The following TNXB variants were observed in gnomAD, a reference collection of about 807,000 sequenced individuals.
TNXB encodes the protein tenascin-X.
TNXB carries 183 observed loss-of-function variants against 340.5 expected under a neutral mutation model. The observed-to-expected ratio is 0.54, with a 90% CI of 0.48 to 0.61. The LOEUF (loss-of-function observed/expected upper bound fraction) is 0.61, where lower values mean the gene tolerates loss of function less well. TNXB is among the 20% of genes least tolerant of loss of function. The probability of loss-of-function intolerance (pLI) is 0.00; values close to 1 mark genes in which losing one functional copy is unlikely to be tolerated. For synonymous variants in TNXB, 2,121 were observed against 2,314.5 expected (o/e 0.92, Z 2.40); for missense variants, 4,613 against 5,446.4 (o/e 0.85, Z 4.82).
chr6:32,047,613 G>T lies in TNXB; in HGVS notation c.10324+121C>A. 8.6e-7 allele frequency: 1 copy of T among 1,167,296 alleles called. No homozygotes were observed. The highest frequency in any genetic ancestry group is 1.2e-6 in the Non-Finnish European group (1 of 855,094). The allele number at this position is 1,167,296 out of a possible 1,614,324, so 72.3% of individuals were successfully genotyped here. A position where few individuals can be genotyped will look rare whatever the true frequency, so the allele number is the denominator to read the frequency against. ...CTGACACACAGAGGGACTCACTTTCGGAGTTAAGATGGTTGTGTCAGGGCT... is the reference window on the plus strand; with the variant it reads ...CTGACACACAGAGGGACTCACTTTCTGAGTTAAGATGGTTGTGTCAGGGCT... On this transcript the variant is annotated intron_variant, in intron 30 of 43. Coordinates refer to ENST00000644971, the MANE Select transcript of TNXB (RefSeq NM_001365276.2). This position sits in a 1 kb window ranked among gnomAD's most constrained non-coding sequence, Gnocchi z 6.2.
rs2151921628 is a variant in TNXB, at chr6:32,074,016, T to G, written c.4376-64A>C. On this transcript the variant is annotated intron_variant, in intron 11 of 43. Coordinates refer to ENST00000644971, the MANE Select transcript of TNXB (RefSeq NM_001365276.2). The surrounding 1 kb of genome is among the most constrained non-coding windows in gnomAD (Gnocchi z 5.5). ...CCCCTTTTCTTATAGTAATGATGTC[T>G]AGTTATTTATTTTTTATTTTTTATT... is the stretch of plus-strand genomic sequence containing the variant. 1 of 1,342,084 alleles carries G rather than the reference T, an allele frequency of 7.5e-7. No individual in the cohort carries two copies. The highest frequency in any genetic ancestry group is 2.5e-5 in the East Asian group (1 of 39,316). 83.1% of individuals were successfully genotyped at this position (1,342,084 alleles called of 1,614,324 possible).
chr6:32,103,574 C>G (rs1402937969), intron 1 of TNXB, among the ~76,000 whole-genome samples: 1 of 152,070 alleles, frequency 6.6e-6, no homozygotes, highest in Non-Finnish European at 1.5e-5. Flanking sequence ...ATAGCCTATG[C>G]ATGCCTCAAT....
At position 32,064,945 on chromosome 6, in the gene TNXB, C is replaced by G; in HGVS notation, c.6717G>C (p.Arg2239=). The G allele has an allele frequency of 6.2e-7, 1 of 1,612,852 alleles. No individual in the cohort carries two copies. ...KNGDGQPKAV[R]VPGHEDGVTI... ...TGACCCCATCCTCGTGTCCCGGCAC[C>G]CGCACCGCCTTGGGCTGCCCGTCCC... Residue 2239 remains arginine (R), a synonymous_variant, in exon 19 of 44, where the codon CGG becomes CGC. Coordinates refer to ENST00000644971, the MANE Select transcript of TNXB (RefSeq NM_001365276.2). This position sits in a 1 kb window ranked among gnomAD's most constrained non-coding sequence, Gnocchi z 5.3.
At chr6:32,057,281 C>T (rs141626568) in intron 22 of TNXB, among the ~76,000 whole-genome samples, 7 of 152,196 alleles carry the variant, frequency 4.6e-5, no homozygotes, top group Non-Finnish European at 5.9e-5. Context: ...ACACTCCTCC[C>T]GAGGCCAGAG....
At position 32,050,304 on chromosome 6, in the gene TNXB, C is replaced by A. The variant is rs746050859; in HGVS notation, c.9133G>T (p.Glu3045Ter). The change falls in exon 27 of 44, where the codon GAG (glutamate) becomes TAG (stop). Residue 3045 changes from glutamate (E) to a stop codon, truncating the protein, a stop_gained. Transcript: ENST00000644971. LOFTEE classifies it high-confidence loss of function. ...VGVTAPKDEAETTQAVPTMTP... is the reference protein window; with the variant it reads ...VGVTAPKDEA ...ATGGTAGGCACTGCTTGGGTGGTCT[C>A]GGCTTCATCCTTTGGAGCTGGACAG... 6.2e-7 allele frequency: 1 copy of A among 1,612,732 alleles called. No homozygotes were observed. The highest frequency in any genetic ancestry group is 1.7e-5 in the Admixed American group (1 of 60,000).
Position 32,062,170 on chromosome 6 carries a change from G to C in TNXB, c.7155C>G (p.Ala2385=), listed in dbSNP as rs762069957. 21 of 1,610,920 alleles carry C rather than the reference G, an allele frequency of 1.3e-5. No homozygotes were observed. The highest frequency in any genetic ancestry group is 1.7e-5 in the Non-Finnish European group (20 of 1,178,064). The change falls in exon 20 of 44, where the codon GCC becomes GCG. Residue 2385 remains alanine, a synonymous_variant. Transcript: ENST00000644971. This position sits in a 1 kb window ranked among gnomAD's most constrained non-coding sequence, Gnocchi z 4.3. ...HGGQRVGPVS[A]IGVTAAEEET... ...TCGTCCACTCACCTGTCACCCCGATGGCAGACACGGGGCCCACACGCTGGC... is the reference window on the plus strand; with the variant it reads ...TCGTCCACTCACCTGTCACCCCGATCGCAGACACGGGGCCCACACGCTGGC...
intron 1 of TNXB, among the ~76,000 whole-genome samples, chr6:32,106,850 G>A (rs528624316): frequency 6.6e-6 from 1 of 152,326 alleles, no homozygotes; most frequent in Non-Finnish European, 1.5e-5. Context: ...GGGAATGCTT[G>A]CACAAAGATG....
At position 32,067,838 on chromosome 6, in the gene TNXB, C is replaced by T. The variant is rs201764050; in HGVS notation, c.6367G>A (p.Asp2123Asn). The T allele has an allele frequency of 7.3e-4, 1,182 of 1,613,106 alleles. 1 individual carries two copies. Among genetic ancestry groups the T allele is most frequent in the Non-Finnish European group, 9.0e-4 (1,060 of 1,179,882 alleles). The change falls in exon 18 of 44, where the codon GAC becomes AAC. Residue 2123 changes from aspartate (D) to asparagine (N), a missense_variant. Transcript: ENST00000644971. This position sits in a 1 kb window ranked among gnomAD's most constrained non-coding sequence, Gnocchi z 4.2. ...LSWTVPQGRF[D>N]SFTVQYKDRD... is the part of the protein sequence containing the mutation. The stretch of plus-strand genomic sequence containing the variant: ...TCCTTGTACTGCACGGTGAAGGAGT[C>T]GAAGCGGCCCTGGGGGACGGTCCAG...
Position 32,073,678 on chromosome 6 carries a change from G to A in TNXB, c.4650C>T (p.Arg1550=). Residue 1550 remains arginine, a synonymous_variant, in exon 12 of 44, where the codon CGC becomes CGT. Coordinates refer to ENST00000644971, the MANE Select transcript of TNXB (RefSeq NM_001365276.2). The surrounding 1 kb of genome is among the most constrained non-coding windows in gnomAD (Gnocchi z 4.6). ...MNMYGLHDGQ[R]MGPLSVVIVT... ...CGATGACCACAGACAGGGGGCCCAT[G>A]CGTTGCCCATCATGTAGTCCATACA... is the stretch of plus-strand genomic sequence containing the variant. The A allele has an allele frequency of 6.2e-7, 1 of 1,609,586 alleles. No individual in the cohort carries two copies. The highest frequency in any genetic ancestry group is 8.5e-7 in the Non-Finnish European group (1 of 1,178,408).
intron 25 of TNXB, 41 bp downstream of exon 25, chr6:32,053,347 C>A (rs1227987756): frequency 1.6e-5 from 25 of 1,593,822 alleles, no homozygotes; most frequent in African/African-American, 4.0e-5. Context: ...AAGGGAGACC[C>A]TCCCACAGGC....
At chr6:32,102,916 G>A (rs763464361) in intron 1 of TNXB, among the ~76,000 whole-genome samples, 2 of 151,592 alleles carry the variant, frequency 1.3e-5, no homozygotes, top group African/African-American at 2.4e-5. Context: ...AAGACTCTAT[G>A]TCAAAAAACA....
At chr6:32,102,309 A>G (rs1367468625) in intron 1 of TNXB, among the ~76,000 whole-genome samples, 1 of 152,232 alleles carries the variant, frequency 6.6e-6, no homozygotes, top group African/African-American at 2.4e-5. Flanking sequence ...ATGACTGCAT[A>G]GTTCTTCCAA....
Position 32,097,829 on chromosome 6 carries a change from C to T in TNXB, c.370G>A (p.Gly124Arg). 6.6e-7 allele frequency: 1 copy of T among 1,512,294 alleles called. No individual in the cohort carries two copies. The allele number at this position is 1,512,294 out of a possible 1,614,324, so 93.7% of individuals were successfully genotyped here. The change falls in exon 2 of 44, where the codon GGA becomes AGA. Residue 124 changes from glycine to arginine, a missense_variant. This residue lies in a region of TNXB where 4,327 missense variants were observed against 4,859.4 expected (regional missense o/e 0.89). Transcript: ENST00000644971. The surrounding 1 kb of genome is among the most constrained non-coding windows in gnomAD (Gnocchi z 5.9). ...GCTTGGGCAGAGGCAGGACAACATC[C>T]CCCAGTGCACTGTTCCTTGAGCCCC... ...VKGLKEQCTG[G>R]CCPASAQAGT...
At chr6:32,105,003 T>G (rs1219719466) in intron 1 of TNXB, among the ~76,000 whole-genome samples, 1 of 152,096 alleles carries the variant, frequency 6.6e-6, no homozygotes, top group Non-Finnish European at 1.5e-5. Flanking sequence ...GATGTCCCTA[T>G]CCTCAAAATG....
rs774879081 is a variant in TNXB at position 32,070,450 on chromosome 6, A to G, written c.4991-36T>C. On this transcript the variant is annotated intron_variant, in intron 13 of 43. Coordinates refer to ENST00000644971, the MANE Select transcript of TNXB (RefSeq NM_001365276.2). This position sits in a 1 kb window ranked among gnomAD's most constrained non-coding sequence, Gnocchi z 6.0. ...AAGGTTCTTGTGTTTATTTTTTCCAAAACGACTCCTTGACTGCCTCCCTCT... is the reference window on the plus strand; with the variant it reads ...AAGGTTCTTGTGTTTATTTTTTCCAGAACGACTCCTTGACTGCCTCCCTCT... 1 of 1,525,622 alleles carries G rather than the reference A, an allele frequency of 6.6e-7. No homozygotes were observed. Among genetic ancestry groups the G allele is most frequent in the Admixed American group, 2.0e-5 (1 of 49,596 alleles). The allele number at this position is 1,525,622 out of a possible 1,614,324, so 94.5% of individuals were successfully genotyped here.
Position 32,087,581 on chromosome 6 carries a change from G to A in TNXB, c.2779+1204C>T. The A allele has an allele frequency of 2.6e-6, 1 of 383,080 alleles. No homozygotes were observed. The highest frequency in any genetic ancestry group is 2.6e-5 in the African/African-American group (1 of 39,010). The allele number at this position is 383,080 out of a possible 1,614,324, so 23.7% of individuals were successfully genotyped here. ...CCGTAGATTCCCTGGTTGGAGTCCCGTTTCCTGGTGCCGGGATCAGGGCTG... is the reference window on the plus strand; with the variant it reads ...CCGTAGATTCCCTGGTTGGAGTCCCATTTCCTGGTGCCGGGATCAGGGCTG... On this transcript the variant is annotated intron_variant, in intron 6 of 43. Coordinates refer to ENST00000644971, the MANE Select transcript of TNXB (RefSeq NM_001365276.2). This position sits in a 1 kb window ranked among gnomAD's most constrained non-coding sequence, Gnocchi z 9.0.
In TNXB at chr6:32,081,619, A is replaced by C; in HGVS notation, c.3791T>G (p.Leu1264Arg). The stretch of plus-strand genomic sequence containing the variant: ...CACGCCGGTCACTGTCAGTTCCCCC[A>C]GGAGGGGCTGCTCCAGGAACTCAGG... Reference protein sequence around the residue: ...PRPEFLEQPLLGELTVTGVTP... With the variant: ...PRPEFLEQPLRGELTVTGVTP... Residue 1264 changes from leucine to arginine, a missense_variant, in exon 10 of 44, where the codon CTG becomes CGG. Leu to Arg is a moderately radical substitution (Grantham distance 102, BLOSUM62 -2). Coordinates refer to ENST00000644971, the MANE Select transcript of TNXB (RefSeq NM_001365276.2). This position sits in a 1 kb window ranked among gnomAD's most constrained non-coding sequence, Gnocchi z 5.1. 1 of 1,600,190 alleles carries C rather than the reference A, an allele frequency of 6.2e-7. No homozygotes were observed. The highest frequency in any genetic ancestry group is 8.5e-7 in the Non-Finnish European group (1 of 1,174,134).
intron 4 of TNXB, among the ~76,000 whole-genome samples, chr6:32,091,480 A>AT (rs778449973): frequency 0.016 from 1,953 of 122,670 alleles, 17 homozygotes; most frequent in Non-Finnish European, 0.023. Context: ...TGCTTCACTG[A>AT]TTTTTTTTTT....
chr6:32,088,677 C>G (rs1260929426), intron 6 of TNXB, 108 bp downstream of exon 6: 1 of 1,455,914 alleles, frequency 6.9e-7, no homozygotes, highest in Non-Finnish European at 9.2e-7. Flanking sequence ...TGCCACACAC[C>G]TGCCAGAAGC....
Sources: allele counts gnomAD v4.1 joint callset (sites outside exome capture counted in the v4.1 genomes callset), GRCh38; gene constraint gnomAD v4.1.1; regional missense constraint gnomAD v4.1.1; non-coding constraint Gnocchi (gnomAD v3.1); transcripts MANE v1.5; gene names NCBI Gene and HGNC (gene_info 2026-07-23, HGNC 2026-07-21).